Variants in ZNF536 observed in about 807,000 individuals in gnomAD.
The protein encoded by ZNF536 is zinc finger protein 536.
ZNF536 carries 13 observed loss-of-function variants against 84.5 expected under a neutral mutation model. That is an observed-to-expected ratio of 0.15 (90% CI 0.10 to 0.24). The LOEUF is 0.24. Among genes scored for constraint, ZNF536 ranks in the 10% least tolerant of loss-of-function variants. The probability of loss-of-function intolerance (pLI) is 1.00; values close to 1 mark genes in which losing one functional copy is unlikely to be tolerated. For synonymous variants in ZNF536, 811 were observed against 742.5 expected (o/e 1.09, Z -1.50); for missense variants, 1,536 against 1,747.5 (o/e 0.88, Z 2.16).
intron 2 of ZNF536, among the ~76,000 whole-genome samples, chr19:30,530,007 T>A (rs1377213057): frequency 1.3e-5 from 2 of 152,202 alleles, no homozygotes; most frequent in Non-Finnish European, 2.9e-5. Context: ...ACACCCAGGC[T>A]GAGGGTGCAT....
chr19:30,438,773 G>T (rs1600727931), intron 1 of ZNF536, among the ~76,000 whole-genome samples: 1 of 152,144 alleles, frequency 6.6e-6, no homozygotes. Context: ...GACTTCCCAA[G>T]GCTCAAGTGA....
At chr19:30,685,973 G>GA (rs1376193034) in intron 1 of ZNF536, among the ~76,000 whole-genome samples, 2 of 152,216 alleles carry the variant, frequency 1.3e-5, no homozygotes, top group Non-Finnish European at 2.9e-5. Context: ...TCTGGGTGGG[G>GA]AAGACCCCAG....
intron 2 of ZNF536, among the ~76,000 whole-genome samples, chr19:30,460,172 A>G (rs2148412206): frequency 6.6e-6 from 1 of 152,254 alleles, no homozygotes; most frequent in East Asian, 1.9e-4. Flanking sequence ...CCATTCCTGA[A>G]CCAGTCACTG....
chr19:30,598,047 T>C (rs2047530453), intron 1 of ZNF536, among the ~76,000 whole-genome samples: 1 of 152,220 alleles, frequency 6.6e-6, no homozygotes, highest in South Asian at 2.1e-4. Context: ...TGTATGCACA[T>C]GTACACAGTA....
chr19:30,462,875 G>A (rs990559250), intron 2 of ZNF536, among the ~76,000 whole-genome samples: 1 of 145,444 alleles, frequency 6.9e-6, no homozygotes, highest in African/African-American at 2.5e-5. Flanking sequence ...TGGGATGGGT[G>A]TATCCATATG....
rs539887992 is a variant in ZNF536 at position 30,648,486 on chromosome 19, A to G, written c.170-62271A>G. On this transcript the variant is annotated intron_variant, in intron 1 of 1. Coordinates refer to the ZNF536 transcript ENST00000592773. ...CAGGACCCCTGGGCAGGGGCAGCAG[A>G]GGTGTGAGCCCCCACCCCTCCAGCA... Among the ~76,000 whole-genome samples, 6 of 152,292 alleles carry G rather than the reference A, an allele frequency of 3.9e-5. 1 individual carries two copies. The South Asian group carries it at 1.2e-3, about 32-fold the overall frequency.
chr19:30,702,971 T>C (rs1441915045), intron 1 of ZNF536, among the ~76,000 whole-genome samples: 3 of 152,168 alleles, frequency 2.0e-5, no homozygotes, highest in Non-Finnish European at 4.4e-5. Flanking sequence ...GCCGTGATTG[T>C]TTTATTTGTT....
At chr19:30,436,576 C>T in intron 1 of ZNF536, 1 of 886,086 alleles carries the variant, frequency 1.1e-6, no homozygotes, top group Non-Finnish European at 1.4e-6. Context: ...TGTTTAATGA[C>T]CCTGAAAAGG....
chr19:30,702,935 T>C (rs951320028), intron 1 of ZNF536, among the ~76,000 whole-genome samples: 1 of 152,352 alleles, frequency 6.6e-6, no homozygotes, highest in East Asian at 1.9e-4. Context: ...CCCGTGGAGC[T>C]GACAGTCTGC....
At chr19:30,326,522 C>T (rs1347847796) in intron 2 of ZNF536, among the ~76,000 whole-genome samples, 3 of 152,170 alleles carry the variant, frequency 2.0e-5, no homozygotes, top group African/African-American at 4.8e-5. Context: ...AGAGAATCCT[C>T]TTAAAGTTGG....
chr19:30,709,481 C>T (rs2052376540), intron 1 of ZNF536, among the ~76,000 whole-genome samples: 1 of 152,114 alleles, frequency 6.6e-6, no homozygotes, highest in Admixed American at 6.6e-5. Flanking sequence ...AAAGAGTCAA[C>T]GGGAGGATCA....
intron 1 of ZNF536, among the ~76,000 whole-genome samples, chr19:30,585,933 G>T (rs181086343): frequency 3.0e-4 from 45 of 152,252 alleles, no homozygotes; most frequent in Non-Finnish European, 5.4e-4. Flanking sequence ...GCAGTGGAAA[G>T]GTGTTTGAGC....
chr19:30,245,098 A>G (rs1332587228), intron 1 of ZNF536, among the ~76,000 whole-genome samples: 1 of 152,098 alleles, frequency 6.6e-6, no homozygotes, highest in Non-Finnish European at 1.5e-5. Context: ...AGGTCCTCGG[A>G]CACACAGGCT....
chr19:30,542,038 A>C (rs1030832901), intron 3 of ZNF536, among the ~76,000 whole-genome samples: 1 of 152,240 alleles, frequency 6.6e-6, no homozygotes, highest in African/African-American at 2.4e-5. Context: ...CAAATTGAGG[A>C]TGCAAATACA....
intron 2 of ZNF536, among the ~76,000 whole-genome samples, chr19:30,501,469 A>C (rs1007382775): frequency 1.3e-5 from 2 of 152,148 alleles, no homozygotes; most frequent in African/African-American, 4.8e-5. Flanking sequence ...CTGGTTTCCT[A>C]GCTTTTCTGG....
At chr19:30,373,373 CT>C (rs929968975) in intron 1 of ZNF536, among the ~76,000 whole-genome samples, 15 of 149,290 alleles carry the variant, frequency 1.0e-4, no homozygotes, top group East Asian at 2.0e-4. Flanking sequence ...TTCTGTTGTT[CT>C]TTTTTTTTTC....
chr19:30,266,574 C>G (rs2145379858), intron 1 of ZNF536, among the ~76,000 whole-genome samples: 1 of 152,118 alleles, frequency 6.6e-6, no homozygotes, highest in Non-Finnish European at 1.5e-5. Context: ...ATTCTGTGAT[C>G]AAAGACTGAA....
chr19:30,461,782 C>T (rs1269835367), intron 2 of ZNF536, among the ~76,000 whole-genome samples: 2 of 152,194 alleles, frequency 1.3e-5, no homozygotes, highest in Non-Finnish European at 2.9e-5. Flanking sequence ...GTGTCCTTTA[C>T]ATGCTCTAGC....
At chr19:30,622,183 G>A (rs889684136) in intron 1 of ZNF536, among the ~76,000 whole-genome samples, 2 of 152,152 alleles carry the variant, frequency 1.3e-5, no homozygotes, top group Admixed American at 6.5e-5. Context: ...TGGGTGTTTT[G>A]GGCAATTTGC....
Sources: allele counts gnomAD v4.1 joint callset (sites outside exome capture counted in the v4.1 genomes callset), GRCh38; gene constraint gnomAD v4.1.1; transcripts MANE v1.5; gene names NCBI Gene and HGNC (gene_info 2026-07-23, HGNC 2026-07-21).